Variants in UBXN2B observed in about 807,000 individuals in gnomAD.
The protein encoded by UBXN2B is UBX domain-containing protein 2B.
Under a neutral mutation model 37.5 loss-of-function variants are expected in UBXN2B, and 19 were observed. That is an observed-to-expected ratio of 0.51 (90% CI 0.35 to 0.74). The LOEUF (loss-of-function observed/expected upper bound fraction) is 0.74, where lower values mean the gene tolerates loss of function less well. Ranked by LOEUF, UBXN2B falls within the 30% of genes least tolerant of loss-of-function variation. The pLI, the probability that UBXN2B is intolerant of heterozygous loss-of-function variation, is 0.01. For missense variants in UBXN2B, 370 were observed against 393.2 expected, an observed-to-expected ratio of 0.94 and a Z score of 0.50; for synonymous variants, 145 against 143.8, an observed-to-expected ratio of 1.01 and a Z score of -0.06.
In UBXN2B at chr8:58,416,025, GT is replaced by G. The variant is rs964262235; in HGVS notation, c.85-818del. On this transcript the variant is annotated intron_variant, in intron 1 of 7. Coordinates refer to ENST00000399598, the MANE Select transcript of UBXN2B (RefSeq NM_001077619.2). The stretch of plus-strand genomic sequence containing the variant: ...TTAATCTGTTTTGTTATGATTTTGG[GT>G]TTTTTTGTTTGTTTGTTTTTTGGGT... Among the ~76,000 whole-genome samples, 3 of 145,976 alleles carry G rather than the reference GT, an allele frequency of 2.1e-5. No individual in the cohort carries two copies. The South Asian group carries it at 6.6e-4, about 32-fold the overall frequency.
rs956524500 is a variant in UBXN2B at position 58,411,371 on chromosome 8, G to T, written c.-15G>T. ...GGCAGGTGCGTCCGCAGCGGGCGCC[G>T]CTAGCCAGCGGAAGATGGCGGAGGG... On this transcript the variant is annotated 5_prime_UTR_variant, in exon 1 of 8. Coordinates refer to ENST00000399598, the MANE Select transcript of UBXN2B (RefSeq NM_001077619.2). 1.0e-5 allele frequency: 13 copies of T among 1,269,654 alleles called. No individual in the cohort carries two copies. The highest frequency in any genetic ancestry group is 8.3e-5 in the Admixed American group (2 of 24,046). The allele number at this position is 1,269,654 out of a possible 1,614,324, so 78.6% of individuals were successfully genotyped here. A position where few individuals can be genotyped will look rare whatever the true frequency, so the allele number is the denominator to read the frequency against.
chr8:58,421,658 C>CT (rs978471936), intron 2 of UBXN2B, among the ~76,000 whole-genome samples: 1 of 152,120 alleles, frequency 6.6e-6, no homozygotes, highest in Admixed American at 6.6e-5. Flanking sequence ...ATTTCCACAC[C>CT]TTTTTTTAAA....
At chr8:58,417,898 C>G (rs1807824822) in intron 2 of UBXN2B, among the ~76,000 whole-genome samples, 1 of 152,104 alleles carries the variant, frequency 6.6e-6, no homozygotes, top group Non-Finnish European at 1.5e-5. Context: ...GCATGAGTCT[C>G]CCGAGAAGAA....
intron 5 of UBXN2B, among the ~76,000 whole-genome samples, chr8:58,436,149 A>G (rs935397020): frequency 4.6e-5 from 7 of 152,248 alleles, no homozygotes; most frequent in African/African-American, 7.2e-5. Context: ...TGACAGGTAT[A>G]AAAACAGAAA....
chr8:58,435,615 C>T (rs1171408703), intron 5 of UBXN2B, among the ~76,000 whole-genome samples: 1 of 152,090 alleles, frequency 6.6e-6, no homozygotes, highest in South Asian at 2.1e-4. Flanking sequence ...GAAATTGATA[C>T]TAATTTCAAG....
At chr8:58,421,181 C>T (rs890247979) in intron 2 of UBXN2B, among the ~76,000 whole-genome samples, 1 of 152,000 alleles carries the variant, frequency 6.6e-6, no homozygotes, top group African/African-American at 2.4e-5. Flanking sequence ...TGACTGTTTC[C>T]CCGAAGCAAC....
rs770394084 is a variant in UBXN2B, at chr8:58,446,119, G to T, written c.833+51G>T. ...TGTTTGCTGTTATATACACTGGATT[G>T]CTTATCTAAGTAGAACTGTATGTGA... On this transcript the variant is annotated intron_variant, in intron 7 of 7. Transcript: ENST00000399598. 17 of 1,509,324 alleles carry T rather than the reference G, an allele frequency of 1.1e-5. No individual in the cohort carries two copies. In the South Asian group the frequency reaches 2.0e-4, roughly 18 times the overall value. The allele number at this position is 1,509,324 out of a possible 1,614,324, so 93.5% of individuals were successfully genotyped here.
intron 6 of UBXN2B, among the ~76,000 whole-genome samples, chr8:58,443,604 C>A (rs960993329): frequency 6.7e-6 from 1 of 148,842 alleles, no homozygotes; most frequent in African/African-American, 2.5e-5. Flanking sequence ...ACCAGCCTGG[C>A]CAACATGGCG....
At position 58,432,375 on chromosome 8, in the gene UBXN2B, C is replaced by CTTTTTT. The variant is rs34018318; in HGVS notation, c.340-765_340-760dup. The stretch of plus-strand genomic sequence containing the variant: ...ATTGCTTTTGTACCTTTCTAAATTT[C>CTTTTTT]TTTTTTTTTTTTTTTTTTTTTTTTT... On this transcript the variant is annotated intron_variant, in intron 3 of 7. Transcript: ENST00000399598. Among the ~76,000 whole-genome samples the CTTTTTT allele has an allele frequency of 1.5e-3, 122 of 81,500 alleles. 1 individual carries two copies. The highest frequency in any genetic ancestry group is 0.022 in the Middle Eastern group (2 of 92). 53.5% of individuals were successfully genotyped at this position (81,500 alleles called of 152,430 possible). A position where few individuals can be genotyped will look rare whatever the true frequency, so the allele number is the denominator to read the frequency against.
rs759150096 is a variant in UBXN2B at position 58,449,082 on chromosome 8, C to A, written c.*1531C>A. On this transcript the variant is annotated 3_prime_UTR_variant, in exon 8 of 8. Transcript: ENST00000399598. Reference sequence around the variant, plus strand: ...TTTCATCTCTATGACCCTTCTGTTACCACATCTCTCTGACACCAGTGTGGA... The same window carrying A: ...TTTCATCTCTATGACCCTTCTGTTAACACATCTCTCTGACACCAGTGTGGA... The A allele has an allele frequency of 1.3e-5, 2 of 152,192 alleles. No individual in the cohort carries two copies. The highest frequency in any genetic ancestry group is 2.9e-5 in the Non-Finnish European group (2 of 68,054). 9.4% of individuals were successfully genotyped at this position (152,192 alleles called of 1,614,324 possible).
chr8:58,425,028 G>A, intron 2 of UBXN2B: 1 of 781,788 alleles, frequency 1.3e-6, no homozygotes, highest in East Asian at 2.4e-5. Flanking sequence ...CATGCATGAT[G>A]CGTTCCTGCT....
intron 2 of UBXN2B, among the ~76,000 whole-genome samples, chr8:58,419,150 G>A (rs532752543): frequency 6.6e-6 from 1 of 152,246 alleles, no homozygotes; most frequent in East Asian, 1.9e-4. Flanking sequence ...AAATATATAG[G>A]TTGAGACGTA....
rs1020140001 is a variant in UBXN2B at position 58,431,807 on chromosome 8, C to G, written c.339+1138C>G. Among the ~76,000 whole-genome samples the G allele has an allele frequency of 7.2e-5, 11 of 152,176 alleles. 1 individual carries two copies. The highest frequency in any genetic ancestry group is 7.2e-4 in the Admixed American group (11 of 15,284). On this transcript the variant is annotated intron_variant, in intron 3 of 7. Coordinates refer to ENST00000399598, the MANE Select transcript of UBXN2B (RefSeq NM_001077619.2). ...TGGTTTTATTTTATTTGTCTAATAA[C>G]TAATGATGTTAATTTGCATTTTCTT... is the stretch of plus-strand genomic sequence containing the variant.
chr8:58,411,645 G>A (rs898779240), intron 1 of UBXN2B, among the ~76,000 whole-genome samples, 176 bp downstream of exon 1: 31 of 152,226 alleles, frequency 2.0e-4, no homozygotes, highest in African/African-American at 7.2e-4. Flanking sequence ...TGGTGGTCGT[G>A]AACACAAGTG....
At chr8:58,431,399 A>T (rs1046859476) in intron 3 of UBXN2B, among the ~76,000 whole-genome samples, 2 of 152,244 alleles carry the variant, frequency 1.3e-5, no homozygotes, top group African/African-American at 4.8e-5. Context: ...TATTGCTTGT[A>T]TCACAACTTT....
At chr8:58,430,423 A>G (rs1808243155) in intron 2 of UBXN2B, 96 bp from the exon 3 acceptor site, 1 of 912,566 alleles carries the variant, frequency 1.1e-6, no homozygotes. Context: ...CCTCTTTTTA[A>G]ATAAAATACT....
intron 2 of UBXN2B, among the ~76,000 whole-genome samples, chr8:58,429,657 G>T (rs1014461905): frequency 4.6e-5 from 7 of 152,136 alleles, no homozygotes; most frequent in Non-Finnish European, 1.0e-4. Flanking sequence ...AGCCTTGAAG[G>T]TGAATTCCAT....
chr8:58,425,382 T>G, intron 2 of UBXN2B: 1 of 1,131,850 alleles, frequency 8.8e-7, no homozygotes, highest in Non-Finnish European at 1.3e-6. Context: ...GGCAGCCTTG[T>G]GTGGCAATGT....
At chr8:58,445,276 TTTA>T (rs1333367536) in intron 6 of UBXN2B, among the ~76,000 whole-genome samples, 3 of 152,202 alleles carry the variant, frequency 2.0e-5, no homozygotes, top group Non-Finnish European at 4.4e-5. Context: ...TCATTATGAA[TTTA>T]TTGTCATGTA....
Sources: gnomAD v4.1 joint callset for allele counts (sites outside exome capture counted in the v4.1 genomes callset) on GRCh38, gnomAD v4.1.1 for gene constraint, MANE v1.5 for transcripts, NCBI Gene and HGNC (gene_info 2026-07-23, HGNC 2026-07-21) for gene names.